DMXL1: variants seen among roughly 807,000 people sequenced by gnomAD.
DMXL1 encodes the protein dmX-like protein 1.
DMXL1 carries 99 observed loss-of-function variants against 319.2 expected under a neutral mutation model. The observed-to-expected ratio is 0.31, with a 90% confidence interval of 0.26 to 0.37. The LOEUF (loss-of-function observed/expected upper bound fraction) is 0.37. DMXL1 is among the 10% of genes least tolerant of loss of function. DMXL1 has a pLI of 1.00. For missense variants in DMXL1, 3,745 were observed against 3,595.6 expected, an observed-to-expected ratio of 1.04 and a Z score of -1.06; for synonymous variants, 1,385 against 1,235.2, an observed-to-expected ratio of 1.12 and a Z score of -2.54.
intron 6 of DMXL1, among the ~76,000 whole-genome samples, chr5:119,115,464 T>C (rs915710422): frequency 3.3e-5 from 5 of 152,208 alleles, no homozygotes; most frequent in African/African-American, 4.8e-5. Context: ...ATAAGTCAAA[T>C]TATTGTTCTC....
intron 41 of DMXL1, among the ~76,000 whole-genome samples, chr5:119,239,551 G>A (rs1788375337): frequency 6.6e-6 from 1 of 152,148 alleles, no homozygotes; most frequent in South Asian, 2.1e-4. Context: ...GAGATTCAGT[G>A]AATACAAAAA....
intron 15 of DMXL1, among the ~76,000 whole-genome samples, chr5:119,146,523 A>G (rs761278305): frequency 2.6e-5 from 4 of 151,994 alleles, no homozygotes; most frequent in Non-Finnish European, 4.4e-5. Flanking sequence ...TGAAGTACAT[A>G]TTACATAGTT....
At position 119,220,579 on chromosome 5, in the gene DMXL1, A is replaced by G; in HGVS notation, c.8121A>G (p.Glu2707=). Residue 2707 remains glutamate, a synonymous_variant, in exon 36 of 44, where the codon GAA becomes GAG. Coordinates refer to ENST00000539542, the MANE Select transcript of DMXL1 (RefSeq NM_001290321.3). Reference sequence around the variant, plus strand: ...ACACTTGGGTAGATGATGATATAGAAGTGGAAACCAAAGGGTACCTTCATA... The same window carrying G: ...ACACTTGGGTAGATGATGATATAGAGGTGGAAACCAAAGGGTACCTTCATA... ...QVYTWVDDDI[E]VETKGSEDFL... The G allele has an allele frequency of 6.2e-7, 1 of 1,613,310 alleles. No homozygotes were observed. Among genetic ancestry groups the G allele is most frequent in the Non-Finnish European group, 8.5e-7 (1 of 1,179,752 alleles).
chr5:119,113,192 C>T (rs1760051903), intron 5 of DMXL1, among the ~76,000 whole-genome samples: 2 of 151,854 alleles, frequency 1.3e-5, no homozygotes, highest in Non-Finnish European at 2.9e-5. Flanking sequence ...TACACCTGCA[C>T]ACATATACAC....
Position 119,225,945 on chromosome 5 carries a change from A to T in DMXL1, c.8338+1176A>T, listed in dbSNP as rs1156430029. On this transcript the variant is annotated intron_variant, in intron 38 of 43. Transcript: ENST00000539542. ...AAATAATATTATTCTACATCAGGAA[A>T]TACTTGATATTGCTTAAAACTACCC... 3.9e-5 allele frequency among the ~76,000 whole-genome samples: 6 copies of T among 152,316 alleles called. No individual in the cohort carries two copies. The East Asian group carries it at 1.2e-3, about 29-fold the overall frequency.
At position 119,164,579 on chromosome 5, in the gene DMXL1, C is replaced by T. The variant is rs1453145198; in HGVS notation, c.4775C>T (p.Ala1592Val). 1.2e-6 allele frequency: 2 copies of T among 1,614,094 alleles called. No individual in the cohort carries two copies. Among genetic ancestry groups the T allele is most frequent in the South Asian group, 2.2e-5 (2 of 91,070 alleles). ...GAAGAACTGCTGAACATGTTGCCAG[C>T]CATGCAGAAAGATGATCCCACTTGG... The part of the protein sequence containing the change: ...AEEELLNMLP[A>V]MQKDDPTWSE... The change falls in exon 20 of 44, where the codon GCC (alanine) becomes GTC (valine). Residue 1592 changes from alanine (A) to valine (V), a missense_variant. Physicochemically the swap from Ala to Val is moderately conservative, Grantham distance 64 (BLOSUM62 0). Transcript: ENST00000539542.
intron 19 of DMXL1, among the ~76,000 whole-genome samples, chr5:119,161,792 G>A (rs1213557026): frequency 1.3e-5 from 2 of 152,214 alleles, no homozygotes; most frequent in African/African-American, 4.8e-5. Context: ...TTTAAGGACT[G>A]AAGCCAGGTT....
At chr5:119,091,677 C>G (rs1754825214) in intron 1 of DMXL1, among the ~76,000 whole-genome samples, 1 of 152,172 alleles carries the variant, frequency 6.6e-6, no homozygotes, top group African/African-American at 2.4e-5. Context: ...TCCAGGTTCA[C>G]CTTGGCTCTA....
chr5:119,221,373 C>G (rs894279474), intron 37 of DMXL1, among the ~76,000 whole-genome samples: 1 of 152,116 alleles, frequency 6.6e-6, no homozygotes, highest in African/African-American at 2.4e-5. Flanking sequence ...CCCCATAGAT[C>G]AAATATTACC....
chr5:119,218,341 A>G (rs573226523), intron 35 of DMXL1, among the ~76,000 whole-genome samples: 1 of 152,344 alleles, frequency 6.6e-6, no homozygotes, highest in South Asian at 2.1e-4. Context: ...CTGGTAATGA[A>G]TAGCTATTCA....
At chr5:119,111,889 A>C (rs1315756952) in intron 5 of DMXL1, among the ~76,000 whole-genome samples, 1 of 152,240 alleles carries the variant, frequency 6.6e-6, no homozygotes, top group Admixed American at 6.5e-5. Flanking sequence ...AAAAAGGATG[A>C]ATGTTATCTA....
At chr5:119,114,793 C>G (rs1039947157) in intron 6 of DMXL1, among the ~76,000 whole-genome samples, 2 of 152,116 alleles carry the variant, frequency 1.3e-5, no homozygotes, top group Admixed American at 1.3e-4. Flanking sequence ...CTCAGCCTCT[C>G]AAGTAGCTGG....
At chr5:119,183,934 AT>A (rs1777228292) in intron 28 of DMXL1, among the ~76,000 whole-genome samples, 1 of 152,182 alleles carries the variant, frequency 6.6e-6, no homozygotes, top group African/African-American at 2.4e-5. Flanking sequence ...GCATGTATAG[AT>A]TTTTACATGT....
chr5:119,110,416 T>TA (rs1561603680), intron 5 of DMXL1, 133 bp downstream of exon 5: 1 of 722,474 alleles, frequency 1.4e-6, no homozygotes, highest in East Asian at 3.2e-5. Flanking sequence ...TGCTTTTTCT[T>TA]ATACACAGAT....
rs1761927434 is a variant in DMXL1 at position 119,121,023 on chromosome 5, C to A, written c.986C>A (p.Ala329Glu). 1 of 1,613,676 alleles carries A rather than the reference C, an allele frequency of 6.2e-7. No individual in the cohort carries two copies. The highest frequency in any genetic ancestry group is 2.2e-5 in the East Asian group (1 of 44,860). Residue 329 changes from alanine (A) to glutamate (E), a missense_variant, in exon 9 of 44, where the codon GCA (alanine) becomes GAA (glutamate). By Grantham distance (107) the Ala-to-Glu change is moderately radical. Transcript: ENST00000539542. The part of the protein sequence containing the change: ...RGRRRSLALV[A>E]HTGYLPHQQD... ...CGGAGGAGATCACTTGCTCTTGTAGCACATACGGGATATCTACCACATCAG... is the reference window on the plus strand; with the variant it reads ...CGGAGGAGATCACTTGCTCTTGTAGAACATACGGGATATCTACCACATCAG...
At chr5:119,198,704 C>T (rs1016674688) in intron 32 of DMXL1, among the ~76,000 whole-genome samples, 4 of 152,176 alleles carry the variant, frequency 2.6e-5, no homozygotes, top group African/African-American at 9.7e-5. Context: ...AACAAGGCAT[C>T]ACATTACCTG....
chr5:119,123,290 G>A lies in DMXL1; in HGVS notation c.1102+2151G>A, dbSNP rs180706437. Among the ~76,000 whole-genome samples the A allele has an allele frequency of 5.5e-3, 832 of 150,898 alleles. 7 individuals carry two copies. The highest frequency in any genetic ancestry group is 0.019 in the African/African-American group (788 of 40,938). On this transcript the variant is annotated intron_variant, in intron 9 of 43. Transcript: ENST00000539542. The stretch of plus-strand genomic sequence containing the variant: ...TTCGGCTCGGCATCAGAGGGAGAGC[G>A]TGGAAAGAGGGAGAGGGGAGACCGT...
chr5:119,175,494 T>G (rs924599651), intron 26 of DMXL1, among the ~76,000 whole-genome samples, 157 bp downstream of exon 26: 2 of 152,126 alleles, frequency 1.3e-5, no homozygotes, highest in African/African-American at 2.4e-5. Flanking sequence ...TATTTGAAAT[T>G]TTTATGGCAG....
intron 38 of DMXL1, among the ~76,000 whole-genome samples, chr5:119,227,299 A>C (rs2150633700): frequency 6.6e-6 from 1 of 152,230 alleles, no homozygotes; most frequent in South Asian, 2.1e-4. Flanking sequence ...CTTTTTAATA[A>C]GTATTTGTTG....
Sources: gnomAD v4.1 joint callset for allele counts (sites outside exome capture counted in the v4.1 genomes callset) on GRCh38, gnomAD v4.1.1 for gene constraint, MANE v1.5 for transcripts, NCBI Gene and HGNC (gene_info 2026-07-23, HGNC 2026-07-21) for gene names.